The following TMPRSS11D variants were observed in gnomAD, a reference collection of about 807,000 sequenced individuals.
TMPRSS11D encodes transmembrane protease serine 11D.
TMPRSS11D carries 32 observed loss-of-function variants against 44.4 expected under a neutral mutation model. The observed-to-expected ratio is 0.72, with a 90% confidence interval of 0.54 to 0.97. The LOEUF is 0.97. Ranked by LOEUF, TMPRSS11D falls within the 50% of genes least tolerant of loss-of-function variation. The pLI is 0.00. For synonymous variants in TMPRSS11D, 179 were observed against 177.9 expected, an observed-to-expected ratio of 1.01 and a Z score of -0.05; for missense variants, 446 against 502.6, an observed-to-expected ratio of 0.89 and a Z score of 1.08.
chr4:67,833,666 A>G (rs760308965), intron 6 of TMPRSS11D: 1 of 243,932 alleles, frequency 4.1e-6, no homozygotes, highest in Non-Finnish European at 7.8e-6. Flanking sequence ...GTTGAGGTTA[A>G]GATAGGTCAT....
chr4:67,836,831 A>G (rs1174740198), intron 5 of TMPRSS11D, among the ~76,000 whole-genome samples: 3 of 152,192 alleles, frequency 2.0e-5, no homozygotes, highest in Non-Finnish European at 4.4e-5. Flanking sequence ...CTGTCAAAGC[A>G]TCGCGTTCAG....
chr4:67,857,649 G>A (rs952068763), intron 2 of TMPRSS11D, among the ~76,000 whole-genome samples: 1 of 152,074 alleles, frequency 6.6e-6, no homozygotes, highest in Non-Finnish European at 1.5e-5. Context: ...ATATGTGGGA[G>A]CTTAAAAAGT....
At chr4:67,873,159 A>G (rs1183337872) in intron 1 of TMPRSS11D, among the ~76,000 whole-genome samples, 1 of 152,158 alleles carries the variant, frequency 6.6e-6, no homozygotes, top group Non-Finnish European at 1.5e-5. Context: ...TTCCAATTCT[A>G]TTTCTTCTTT....
chr4:67,880,887 G>A (rs1003434663), intron 1 of TMPRSS11D, among the ~76,000 whole-genome samples: 4 of 152,168 alleles, frequency 2.6e-5, no homozygotes, highest in Non-Finnish European at 4.4e-5. Flanking sequence ...AATGGATATT[G>A]TAAATATTCC....
In TMPRSS11D at chr4:67,862,845, G is replaced by A. The variant is rs988024336; in HGVS notation, c.9-3167C>T. Among the ~76,000 whole-genome samples, 11 of 151,970 alleles carry A rather than the reference G, an allele frequency of 7.2e-5. No homozygotes were observed. The South Asian group carries it at 1.2e-3, about 17-fold the overall frequency. ...CACCGCATGTTCTCGCTCATAGGTG[G>A]GAATTGAACAATGAGAACACTTGGA... is the stretch of plus-strand genomic sequence containing the variant. On this transcript the variant is annotated intron_variant, in intron 1 of 9. Transcript: ENST00000283916.
At chr4:67,841,327 C>A (rs1239785789) in intron 4 of TMPRSS11D, among the ~76,000 whole-genome samples, 1 of 152,084 alleles carries the variant, frequency 6.6e-6, no homozygotes, top group Non-Finnish European at 1.5e-5. Context: ...GAAGTAAGAC[C>A]TAGTAAAGGA....
chr4:67,826,506 T>G (rs372225724), intron 8 of TMPRSS11D, among the ~76,000 whole-genome samples: 6 of 152,170 alleles, frequency 3.9e-5, no homozygotes, highest in African/African-American at 1.4e-4. Context: ...TAGTAGCTCT[T>G]GTGCATTGTC....
At chr4:67,871,157 C>A (rs78604831) in intron 1 of TMPRSS11D, among the ~76,000 whole-genome samples, 3 of 152,172 alleles carry the variant, frequency 2.0e-5, no homozygotes, top group Non-Finnish European at 2.9e-5. Flanking sequence ...TGATGAATAC[C>A]AAGCCAAGAG....
intron 1 of TMPRSS11D, among the ~76,000 whole-genome samples, chr4:67,864,276 G>A (rs1408496824): frequency 3.3e-5 from 5 of 151,994 alleles, no homozygotes; most frequent in Non-Finnish European, 7.4e-5. Flanking sequence ...GAAGAGGAAT[G>A]TGTTGACACC....
intron 1 of TMPRSS11D, among the ~76,000 whole-genome samples, chr4:67,875,265 C>T (rs1719158409): frequency 6.6e-6 from 1 of 152,162 alleles, no homozygotes; most frequent in South Asian, 2.1e-4. Flanking sequence ...TGCATACTGG[C>T]AGGGTGAAAG....
At chr4:67,825,969 A>G in intron 8 of TMPRSS11D, 95 bp from the exon 9 acceptor site, 1 of 1,321,570 alleles carries the variant, frequency 7.6e-7, no homozygotes, top group Non-Finnish European at 1.0e-6. Flanking sequence ...TACTCCAAAC[A>G]TTATTTCATA....
chr4:67,824,080 G>T (rs1717721674), intron 9 of TMPRSS11D, among the ~76,000 whole-genome samples: 1 of 150,586 alleles, frequency 6.6e-6, no homozygotes, highest in East Asian at 1.9e-4. Context: ...TTGTAAAAAT[G>T]AACAAAAGAA....
intron 9 of TMPRSS11D, among the ~76,000 whole-genome samples, chr4:67,823,350 C>A (rs572584989): frequency 3.0e-4 from 46 of 152,144 alleles, no homozygotes; most frequent in Admixed American, 7.2e-4. Flanking sequence ...CACATAATAA[C>A]CTAGTTGGGG....
intron 1 of TMPRSS11D, among the ~76,000 whole-genome samples, chr4:67,873,396 A>G (rs1474759513): frequency 6.6e-6 from 1 of 152,178 alleles, no homozygotes; most frequent in African/African-American, 2.4e-5. Flanking sequence ...TTAAATACAC[A>G]AGGAAATGTC....
intron 1 of TMPRSS11D, among the ~76,000 whole-genome samples, chr4:67,860,653 A>T (rs1718773257): frequency 6.6e-6 from 1 of 152,124 alleles, no homozygotes; most frequent in Admixed American, 6.6e-5. Context: ...TTTTGTAAAT[A>T]TTTATGATAT....
chr4:67,878,658 G>T (rs1006646428), intron 1 of TMPRSS11D, among the ~76,000 whole-genome samples: 1 of 152,168 alleles, frequency 6.6e-6, no homozygotes, highest in Non-Finnish European at 1.5e-5. Flanking sequence ...AGGCACAGTG[G>T]CTCACACCTG....
intron 2 of TMPRSS11D, 53 bp from the exon 3 acceptor site, chr4:67,854,239 C>G (rs932944455): frequency 2.1e-6 from 2 of 960,520 alleles, no homozygotes; most frequent in South Asian, 1.5e-5. Flanking sequence ...GTTGTTGAAC[C>G]TTTAATTTAT....
At chr4:67,827,224 C>T (rs1398754432) in intron 8 of TMPRSS11D, 37 bp downstream of exon 8, 2 of 1,556,944 alleles carry the variant, frequency 1.3e-6, no homozygotes, top group Admixed American at 4.2e-5. Flanking sequence ...AAATATAAGA[C>T]ATTTCTATTG....
At position 67,838,348 on chromosome 4, in the gene TMPRSS11D, T is replaced by C. The variant is rs368314216; in HGVS notation, c.318-19A>G. 1 of 1,522,416 alleles carries C rather than the reference T, an allele frequency of 6.6e-7. No individual in the cohort carries two copies. The highest frequency in any genetic ancestry group is 2.4e-5 in the East Asian group (1 of 41,920). The allele number at this position is 1,522,416 out of a possible 1,614,324, so 94.3% of individuals were successfully genotyped here. Reference sequence around the variant, plus strand: ...ATCTTGCCTGTAAATCATAAAGATATTTTAAAAAACAAATAATATGACAAT... The same window carrying C: ...ATCTTGCCTGTAAATCATAAAGATACTTTAAAAAACAAATAATATGACAAT... On this transcript the variant is annotated intron_variant, in intron 4 of 9. Transcript: ENST00000283916.
Sources: gnomAD v4.1 joint callset for allele counts (sites outside exome capture counted in the v4.1 genomes callset) on GRCh38, gnomAD v4.1.1 for gene constraint, MANE v1.5 for transcripts, NCBI Gene and HGNC (gene_info 2026-07-23, HGNC 2026-07-21) for gene names.